ARHGAP10: variants seen among roughly 807,000 people sequenced by gnomAD.
ARHGAP10 encodes the protein Rho GTPase activating protein 10, also known as rho GTPase-activating protein 10.
In ARHGAP10, 87 loss-of-function variants were observed where a neutral mutation model predicts 108.6. That is an observed-to-expected ratio of 0.80 (90% confidence interval 0.67 to 0.96). The LOEUF is 0.96. ARHGAP10 is among the 40% of genes least tolerant of loss of function. ARHGAP10 has a pLI of 0.00. For synonymous variants in ARHGAP10, 347 were observed against 341.1 expected, an observed-to-expected ratio of 1.02 and a Z score of -0.19; for missense variants, 939 against 954.5, an observed-to-expected ratio of 0.98 and a Z score of 0.21.
intron 18 of ARHGAP10, among the ~76,000 whole-genome samples, chr4:147,991,061 C>G (rs957624081): frequency 3.3e-5 from 5 of 151,416 alleles, no homozygotes; most frequent in Non-Finnish European, 7.4e-5. Context: ...TGCTTTTCAC[C>G]TTGGTGACAA....
At chr4:147,753,933 T>A (rs1349491181) in intron 1 of ARHGAP10, among the ~76,000 whole-genome samples, 3 of 152,190 alleles carry the variant, frequency 2.0e-5, no homozygotes. Context: ...GATGTGACAT[T>A]ATTTCATAGT....
intron 1 of ARHGAP10, among the ~76,000 whole-genome samples, chr4:147,749,290 A>T (rs923236358): frequency 6.6e-6 from 1 of 152,188 alleles, no homozygotes; most frequent in Admixed American, 6.6e-5. Context: ...CAGAGGAAAA[A>T]ATTTAGATTA....
intron 10 of ARHGAP10, among the ~76,000 whole-genome samples, chr4:147,895,292 A>G (rs1389394272): frequency 1.3e-5 from 2 of 152,140 alleles, no homozygotes; most frequent in African/African-American, 2.4e-5. Flanking sequence ...TTTGTATCTT[A>G]CAATATTGCT....
chr4:148,064,315 T>C, intron 21 of ARHGAP10, 101 bp from the exon 22 acceptor site: 1 of 883,950 alleles, frequency 1.1e-6, no homozygotes, highest in East Asian at 2.5e-5. Context: ...GTTGCCCTAC[T>C]GGTGACATCA....
At chr4:147,903,089 G>A (rs1035348123) in intron 10 of ARHGAP10, among the ~76,000 whole-genome samples, 6 of 152,150 alleles carry the variant, frequency 3.9e-5, no homozygotes, top group African/African-American at 1.4e-4. Flanking sequence ...AGATTTGGGT[G>A]GGGACCCAGA....
At chr4:147,908,635 G>T (rs933719055) in intron 11 of ARHGAP10, among the ~76,000 whole-genome samples, 1 of 152,296 alleles carries the variant, frequency 6.6e-6, no homozygotes, top group Middle Eastern at 3.4e-3. Context: ...AATTATCACC[G>T]TGCTATTTCT....
Position 148,071,675 on chromosome 4 carries a change from C to T in ARHGAP10, c.2273-318C>T, listed in dbSNP as rs191383830. ...CAAAAAGCTTGAGTTTGACTTTAAG[C>T]AGGGGAGTGATGTGATCAGCTCTGT... On this transcript the variant is annotated intron_variant, in intron 22 of 22. Coordinates refer to ENST00000336498, the MANE Select transcript of ARHGAP10 (RefSeq NM_024605.4). Among the ~76,000 whole-genome samples, 8 of 152,108 alleles carry T rather than the reference C, an allele frequency of 5.3e-5. No homozygotes were observed. In the East Asian group the frequency reaches 1.5e-3, roughly 29 times the overall value.
At chr4:148,015,879 T>C (rs1741326413) in intron 18 of ARHGAP10, among the ~76,000 whole-genome samples, 1 of 152,238 alleles carries the variant, frequency 6.6e-6, no homozygotes. Context: ...CCTGCGTTGA[T>C]TTCTAGCTGT....
intron 10 of ARHGAP10, among the ~76,000 whole-genome samples, chr4:147,888,165 T>C (rs1735645770): frequency 6.6e-6 from 1 of 152,252 alleles, no homozygotes; most frequent in Non-Finnish European, 1.5e-5. Context: ...CCCCTGGATG[T>C]TGGAGTTCAG....
intron 7 of ARHGAP10, among the ~76,000 whole-genome samples, chr4:147,870,928 C>CTGTGTG (rs57348496): frequency 0.011 from 1,505 of 139,060 alleles, 25 homozygotes; most frequent in South Asian, 0.031. Flanking sequence ...AAACTACAGA[C>CTGTGTG]TGTGTGTGTG....
At chr4:147,873,632 C>T (rs1190589304) in intron 7 of ARHGAP10, among the ~76,000 whole-genome samples, 1 of 149,460 alleles carries the variant, frequency 6.7e-6, no homozygotes, top group Non-Finnish European at 1.5e-5. Flanking sequence ...TCGAGACCAG[C>T]CTGGGCCCCA....
chr4:148,000,817 T>C (rs1157322591), intron 18 of ARHGAP10, among the ~76,000 whole-genome samples: 1 of 152,242 alleles, frequency 6.6e-6, no homozygotes, highest in African/African-American at 2.4e-5. Context: ...TTTGTGATTC[T>C]GGATATTAGC....
At chr4:148,039,642 T>C (rs1486313004) in intron 19 of ARHGAP10, among the ~76,000 whole-genome samples, 2 of 152,010 alleles carry the variant, frequency 1.3e-5, no homozygotes, top group African/African-American at 2.4e-5. Flanking sequence ...GCATTGCTGT[T>C]GAGAAGTCTG....
chr4:147,955,808 C>T (rs187799403), intron 16 of ARHGAP10, among the ~76,000 whole-genome samples: 3 of 152,232 alleles, frequency 2.0e-5, no homozygotes, highest in African/African-American at 7.2e-5. Flanking sequence ...TAGACAGATA[C>T]TCGGATCTAA....
intron 4 of ARHGAP10, among the ~76,000 whole-genome samples, chr4:147,853,211 G>A (rs1733946384): frequency 6.6e-6 from 1 of 152,174 alleles, no homozygotes; most frequent in Non-Finnish European, 1.5e-5. Context: ...AGAGATGTGG[G>A]AGGAAATAGT....
chr4:147,958,185 G>A (rs970841070), intron 16 of ARHGAP10, among the ~76,000 whole-genome samples: 2 of 152,200 alleles, frequency 1.3e-5, no homozygotes, highest in African/African-American at 4.8e-5. Context: ...TGTAGGCTAT[G>A]ATCTGTGTGT....
At chr4:147,962,789 G>C (rs1258349199) in intron 16 of ARHGAP10, among the ~76,000 whole-genome samples, 4 of 151,976 alleles carry the variant, frequency 2.6e-5, no homozygotes, top group African/African-American at 9.7e-5. Context: ...TCAGTCTCCT[G>C]GGTAGCTGGG....
At chr4:147,794,784 A>G (rs1189619214) in intron 1 of ARHGAP10, among the ~76,000 whole-genome samples, 2 of 152,216 alleles carry the variant, frequency 1.3e-5, no homozygotes, top group African/African-American at 4.8e-5. Context: ...TGCAGTAACA[A>G]ACATGTTACA....
intron 1 of ARHGAP10, among the ~76,000 whole-genome samples, chr4:147,802,182 C>T (rs766861362): frequency 3.9e-5 from 6 of 152,134 alleles, no homozygotes; most frequent in Non-Finnish European, 7.3e-5. Flanking sequence ...CTTCCTGTTC[C>T]CTACTTAATA....
Sources: allele counts gnomAD v4.1 joint callset (sites outside exome capture counted in the v4.1 genomes callset), GRCh38; gene constraint gnomAD v4.1.1; transcripts MANE v1.5; gene names NCBI Gene and HGNC (gene_info 2026-07-23, HGNC 2026-07-21).